The following SLC66A1 variants were observed in gnomAD, a reference collection of about 807,000 sequenced individuals.
The protein encoded by SLC66A1 is solute carrier family 66 member 1.
Under a neutral mutation model 33.0 loss-of-function variants are expected in SLC66A1, and 23 were observed. The observed-to-expected ratio is 0.70, with a 90% CI of 0.50 to 0.99. SLC66A1 has a LOEUF of 0.99. SLC66A1 is among the 50% of genes least tolerant of loss of function. The pLI is 0.00. For synonymous variants in SLC66A1, 164 were observed against 175.5 expected (o/e 0.93, Z 0.52); for missense variants, 335 against 383.6 (o/e 0.87, Z 1.06).
chr1:19,327,521 A>ATCCCTCCCTCCCTCCCTCCC, intron 7 of SLC66A1, 109 bp downstream of exon 7: 1 of 877,538 alleles, frequency 1.1e-6, no homozygotes, highest in Non-Finnish European at 1.7e-6. Flanking sequence ...CCATCCGTCC[A>ATCCCTCCCTCCCTCCCTCCC]TCCATCCATC....
chr1:19,314,378 A>T lies in SLC66A1; in HGVS notation c.-79+1489A>T, dbSNP rs1276224637. 2.6e-5 allele frequency among the ~76,000 whole-genome samples: 4 copies of T among 151,918 alleles called. No individual in the cohort carries two copies. The East Asian group carries it at 7.7e-4, about 29-fold the overall frequency. ...TCCTCCTTAACCTAGGGAAAGGGGGAAGTGAGAGAGAGGCCGCAGGGGCCA... is the reference window on the plus strand; with the variant it reads ...TCCTCCTTAACCTAGGGAAAGGGGGTAGTGAGAGAGAGGCCGCAGGGGCCA... On this transcript the variant is annotated intron_variant, in intron 1 of 7. Coordinates refer to ENST00000375153, the MANE Select transcript of SLC66A1 (RefSeq NM_001040125.2).
rs1436976962 is a variant in SLC66A1 at position 19,327,684 on chromosome 1, CA to C, written c.804+274del. Reference sequence around the variant, plus strand: ...AGCCCAGCGGGGCGCAGAGAGGACACAACGCTATCATCAAAGAATTACTTCA... The same window carrying C: ...AGCCCAGCGGGGCGCAGAGAGGACACACGCTATCATCAAAGAATTACTTCA... On this transcript the variant is annotated intron_variant, in intron 7 of 7. Coordinates refer to ENST00000375153, the MANE Select transcript of SLC66A1 (RefSeq NM_001040125.2). 8 of 649,030 alleles carry C rather than the reference CA, an allele frequency of 1.2e-5. No individual in the cohort carries two copies. The East Asian group carries it at 2.5e-4, about 20-fold the overall frequency. 40.2% of individuals were successfully genotyped at this position (649,030 alleles called of 1,614,324 possible). A position where few individuals can be genotyped will look rare whatever the true frequency, so the allele number is the denominator to read the frequency against.
chr1:19,319,621 T>G (rs111647049), intron 2 of SLC66A1, among the ~76,000 whole-genome samples: 7 of 149,074 alleles, frequency 4.7e-5, no homozygotes, highest in African/African-American at 1.8e-4. Context: ...TTTTTTTTTT[T>G]GCCTGGTGCA....
chr1:19,333,621 G>A (rs553963520), downstream of SLC66A1, among the ~76,000 whole-genome samples: 7 of 152,144 alleles, frequency 4.6e-5, no homozygotes, highest in African/African-American at 1.7e-4. The surrounding 1 kb of genome is among the most constrained non-coding windows in gnomAD (Gnocchi z 4.2). Flanking sequence ...TGACAGCCAG[G>A]TGCAGAGCCT....
At chr1:19,313,478 AGT>A (rs1263948149) in intron 1 of SLC66A1, among the ~76,000 whole-genome samples, 1 of 152,216 alleles carries the variant, frequency 6.6e-6, no homozygotes, top group Non-Finnish European at 1.5e-5. Context: ...TTTCAAAGAC[AGT>A]GGTCGCAGAG....
Position 19,328,661 on chromosome 1 carries a change from G to T in SLC66A1, c.*18G>T. On this transcript the variant is annotated 3_prime_UTR_variant, in exon 8 of 8. Coordinates refer to ENST00000375153, the MANE Select transcript of SLC66A1 (RefSeq NM_001040125.2). The surrounding 1 kb of genome is among the most constrained non-coding windows in gnomAD (Gnocchi z 4.7). ...CCAGCTGACCAGAACCAGGCTGAGCGCAGGAGGACAGGCACCACCGGATGC... is the reference window on the plus strand; with the variant it reads ...CCAGCTGACCAGAACCAGGCTGAGCTCAGGAGGACAGGCACCACCGGATGC... 1 of 1,611,986 alleles carries T rather than the reference G, an allele frequency of 6.2e-7. No homozygotes were observed. The highest frequency in any genetic ancestry group is 8.5e-7 in the Non-Finnish European group (1 of 1,179,018).
chr1:19,315,802 G>C (rs2093802034), intron 1 of SLC66A1, among the ~76,000 whole-genome samples: 1 of 152,198 alleles, frequency 6.6e-6, no homozygotes, highest in South Asian at 2.1e-4. Context: ...CCTGAGGCGG[G>C]TGGTGTGGCA....
chr1:19,313,493 C>T (rs553877399), intron 1 of SLC66A1, among the ~76,000 whole-genome samples: 18 of 152,264 alleles, frequency 1.2e-4, no homozygotes, highest in Non-Finnish European at 2.4e-4. Context: ...TCGCAGAGGA[C>T]GGTGGTAGCG....
chr1:19,325,569 G>GCGCCCCTCTCTGTGTGAGTATGGGGAC lies in SLC66A1; in HGVS notation c.373_382+17dup. On this transcript the variant is annotated inframe_insertion, in exon 4 of 8. Coordinates refer to ENST00000375153, the MANE Select transcript of SLC66A1 (RefSeq NM_001040125.2). The stretch of plus-strand genomic sequence containing the variant: ...TGTACTTTTACTACAAGTTCAGGAC[G>GCGCCCCTCTCTGTGTGAGTATGGGGAC]CGCCCCTCTCTGTGTGAGTATGGGG... 1 of 1,595,766 alleles carries GCGCCCCTCTCTGTGTGAGTATGGGGAC rather than the reference G, an allele frequency of 6.3e-7. No individual in the cohort carries two copies. Among genetic ancestry groups the GCGCCCCTCTCTGTGTGAGTATGGGGAC allele is most frequent in the African/African-American group, 1.4e-5 (1 of 73,618 alleles).
At chr1:19,331,383 T>C (rs1310716472), downstream of SLC66A1, among the ~76,000 whole-genome samples, 1 of 152,100 alleles carries the variant, frequency 6.6e-6, no homozygotes, top group South Asian at 2.1e-4. Flanking sequence ...CTTGCCCAGC[T>C]AGGAGCAGCA....
At chr1:19,321,270 C>T (rs551413347) in intron 2 of SLC66A1, among the ~76,000 whole-genome samples, 5 of 141,052 alleles carry the variant, frequency 3.5e-5, no homozygotes, top group Admixed American at 2.2e-4. Flanking sequence ...TGACCTTCTG[C>T]GCTCAAGCAG....
chr1:19,333,687 C>T (rs1235463679), downstream of SLC66A1, among the ~76,000 whole-genome samples: 1 of 152,160 alleles, frequency 6.6e-6, no homozygotes, highest in Admixed American at 6.6e-5. The surrounding 1 kb of genome is among the most constrained non-coding windows in gnomAD (Gnocchi z 4.2). Flanking sequence ...TGAGGCGACT[C>T]ATGCCTGGAA....
chr1:19,331,668 C>G (rs12117356), downstream of SLC66A1, among the ~76,000 whole-genome samples: 26,637 of 152,170 alleles, frequency 0.18, 2,918 homozygotes, highest in Non-Finnish European at 0.22. Context: ...CAGGTGCCAG[C>G]TAGATGTCTC....
chr1:19,314,436 C>A (rs1414310148), intron 1 of SLC66A1, among the ~76,000 whole-genome samples: 1 of 152,190 alleles, frequency 6.6e-6, no homozygotes, highest in Non-Finnish European at 1.5e-5. Context: ...GACAACCCCC[C>A]AACACACACA....
Position 19,328,604 on chromosome 1 carries a change from C to A in SLC66A1, c.837C>A (p.Ser279Arg), listed in dbSNP as rs369719745. 3.7e-6 allele frequency: 6 copies of A among 1,613,774 alleles called. No homozygotes were observed. The Middle Eastern group carries it at 6.6e-4, about 177-fold the overall frequency. Residue 279 changes from serine to arginine, a missense_variant, in exon 8 of 8, where the codon AGC becomes AGA. Coordinates refer to ENST00000375153, the MANE Select transcript of SLC66A1 (RefSeq NM_001040125.2). This position sits in a 1 kb window ranked among gnomAD's most constrained non-coding sequence, Gnocchi z 4.7. Reference protein sequence around the residue: ...ISIQFLVYRRSTAASELEPLL... With the variant: ...ISIQFLVYRRRTAASELEPLL... Reference sequence around the variant, plus strand: ...TCCAGTTCCTGGTGTACAGGCGCAGCACCGCCGCCTCGGAGCTTGAGCCCC... The same window carrying A: ...TCCAGTTCCTGGTGTACAGGCGCAGAACCGCCGCCTCGGAGCTTGAGCCCC...
Position 19,317,668 on chromosome 1 carries a change from C to A in SLC66A1, c.-10C>A. 2 of 1,613,616 alleles carry A rather than the reference C, an allele frequency of 1.2e-6. No individual in the cohort carries two copies. Among genetic ancestry groups the A allele is most frequent in the Non-Finnish European group, 1.7e-6 (2 of 1,179,642 alleles). On this transcript the variant is annotated 5_prime_UTR_variant, in exon 2 of 8. Coordinates refer to ENST00000375153, the MANE Select transcript of SLC66A1 (RefSeq NM_001040125.2). ...AGCCCTGCCTGGCCGGGGGCCCCTC[C>A]TCCACAGCCATGGTCTGGAAGAAAC...
chr1:19,319,706 C>T (rs755966690), intron 2 of SLC66A1, among the ~76,000 whole-genome samples: 10 of 146,396 alleles, frequency 6.8e-5, no homozygotes, highest in East Asian at 2.1e-4. Context: ...AGTTCAAGAC[C>T]GGCCTGGCCA....
intron 2 of SLC66A1, among the ~76,000 whole-genome samples, chr1:19,324,005 C>T (rs190409676): frequency 1.4e-3 from 207 of 152,294 alleles, no homozygotes; most frequent in Non-Finnish European, 1.9e-3. Context: ...CACACCTGGC[C>T]AGAAGTCCTA....
At chr1:19,326,163 C>G (rs959570133) in intron 4 of SLC66A1, 82 bp from the exon 5 acceptor site, 2 of 1,374,112 alleles carry the variant, frequency 1.5e-6, no homozygotes, top group Non-Finnish European at 2.0e-6. Context: ...CCCTGAGGGG[C>G]AAGGCCAGGA....
Sources: allele counts gnomAD v4.1 joint callset (sites outside exome capture counted in the v4.1 genomes callset), GRCh38; gene constraint gnomAD v4.1.1; non-coding constraint Gnocchi (gnomAD v3.1); transcripts MANE v1.5; gene names NCBI Gene and HGNC (gene_info 2026-07-23, HGNC 2026-07-21).